HERC6: variants seen among roughly 807,000 people sequenced by gnomAD.
HERC6 encodes probable E3 ubiquitin-protein ligase HERC6.
A neutral mutation model predicts 114.5 loss-of-function variants in HERC6; 101 were observed. That is an observed-to-expected ratio of 0.88 (90% CI 0.75 to 1.04). HERC6 has a LOEUF of 1.04. Among genes scored for constraint, HERC6 ranks in the 50% least tolerant of loss-of-function variants. The pLI, the probability that HERC6 is intolerant of heterozygous loss-of-function variation, is 0.00. For synonymous variants in HERC6, 408 were observed against 436.2 expected, an observed-to-expected ratio of 0.94 and a Z score of 0.81; for missense variants, 1,133 against 1,230.9, an observed-to-expected ratio of 0.92 and a Z score of 1.19.
At chr4:88,422,297 CTATT>C (rs895594095) in intron 13 of HERC6, among the ~76,000 whole-genome samples, 5 of 151,972 alleles carry the variant, frequency 3.3e-5, no homozygotes, top group African/African-American at 1.2e-4. Flanking sequence ...AGTTTTGTTC[CTATT>C]TATTTTTCTT....
chr4:88,416,869 A>T (rs185337223), intron 12 of HERC6, among the ~76,000 whole-genome samples: 1 of 152,196 alleles, frequency 6.6e-6, no homozygotes, highest in East Asian at 1.9e-4. Context: ...TTTAACATCA[A>T]ATTTATTTGT....
At chr4:88,407,894 T>C (rs1168108380) in intron 10 of HERC6, among the ~76,000 whole-genome samples, 2 of 152,142 alleles carry the variant, frequency 1.3e-5, no homozygotes, top group Non-Finnish European at 2.9e-5. Flanking sequence ...GGAGTCTGGC[T>C]TAAGGAGGTC....
intron 11 of HERC6, among the ~76,000 whole-genome samples, chr4:88,408,939 G>A (rs1735949070): frequency 6.6e-6 from 1 of 152,178 alleles, no homozygotes; most frequent in East Asian, 1.9e-4. Flanking sequence ...CTGGCTGAGT[G>A]AGAGATGAAA....
Position 88,395,793 on chromosome 4 carries a change from G to T in HERC6, c.760-222G>T, listed in dbSNP as rs1025810. Among the ~76,000 whole-genome samples the T allele has an allele frequency of 3.4e-3, 516 of 152,104 alleles. 2 individuals carry two copies. The highest frequency in any genetic ancestry group is 6.4e-3 in the Non-Finnish European group (433 of 68,004). On this transcript the variant is annotated intron_variant, in intron 5 of 22. Coordinates refer to ENST00000264346, the MANE Select transcript of HERC6 (RefSeq NM_017912.4). ...CCTGCCACAGCCTTCCAAAGTGCTG[G>T]TATTACAGGTGTGAGCTACTGTGCC...
In HERC6 at chr4:88,378,983, C is replaced by T; in HGVS notation, c.62C>T (p.Pro21Leu). The T allele has an allele frequency of 6.3e-7, 1 of 1,582,728 alleles. No homozygotes were observed. The highest frequency in any genetic ancestry group is 8.6e-7 in the Non-Finnish European group (1 of 1,165,944). ...ELQRRRTAGS[P>L]GAELLQAASG... is the part of the protein sequence containing the mutation. ...CAGCGCCGGAGGACGGCGGGCAGCC[C>T]CGGGGCTGAGCTACTGCAGGCGGCC... Residue 21 changes from proline to leucine, a missense_variant, in exon 1 of 23, where the codon CCC (proline) becomes CTC (leucine). By Grantham distance (98) the Pro-to-Leu change is moderately conservative. Around this residue, in one of 3 missense-constraint regions of HERC6, gnomAD observed 735 missense variants for 754.0 expected, o/e 0.97. Coordinates refer to ENST00000264346, the MANE Select transcript of HERC6 (RefSeq NM_017912.4).
chr4:88,439,800 C>T, intron 20 of HERC6, 74 bp from the exon 21 acceptor site: 1 of 1,291,888 alleles, frequency 7.7e-7, no homozygotes, highest in Non-Finnish European at 1.0e-6. Context: ...GTAAAAAGAA[C>T]AAAGTATAAA....
intron 20 of HERC6, among the ~76,000 whole-genome samples, chr4:88,439,125 G>A (rs546172987): frequency 6.7e-6 from 1 of 150,148 alleles, no homozygotes; most frequent in South Asian, 2.1e-4. Flanking sequence ...TCTAATGGAT[G>A]GTAGAAGTTA....
chr4:88,425,686 C>A (rs1350504049), intron 15 of HERC6, among the ~76,000 whole-genome samples: 2 of 152,128 alleles, frequency 1.3e-5, no homozygotes, highest in Admixed American at 1.3e-4. Context: ...GTATTAGTCC[C>A]ACATAAGATT....
At chr4:88,403,106 C>T (rs1415687362) in intron 8 of HERC6, among the ~76,000 whole-genome samples, 1 of 152,160 alleles carries the variant, frequency 6.6e-6, no homozygotes. Flanking sequence ...TCTTTCCAGA[C>T]AGTGATTTTT....
intron 15 of HERC6, among the ~76,000 whole-genome samples, chr4:88,426,167 CTAT>C (rs1158748587): frequency 6.6e-6 from 1 of 151,932 alleles, no homozygotes; most frequent in Non-Finnish European, 1.5e-5. Flanking sequence ...CCTCTAGTTC[CTAT>C]TATTATTATT....
chr4:88,417,356 C>G, intron 12 of HERC6, 69 bp from the exon 13 acceptor site: 2 of 1,371,330 alleles, frequency 1.5e-6, no homozygotes, highest in Non-Finnish European at 2.0e-6. Context: ...ATTAAAGAAC[C>G]CACTAGAAAC....
At chr4:88,417,632 T>C in intron 13 of HERC6, 53 bp downstream of exon 13, 7 of 1,488,772 alleles carry the variant, frequency 4.7e-6, no homozygotes, top group Non-Finnish European at 6.4e-6. Context: ...TCAAAATCCC[T>C]TAAGTCTCAA....
intron 2 of HERC6, 47 bp from the exon 3 acceptor site, chr4:88,385,452 C>A: frequency 1.1e-6 from 1 of 901,928 alleles, no homozygotes; most frequent in Non-Finnish European, 1.7e-6. Flanking sequence ...CACCGGACAA[C>A]TCGCTCTAAA....
At chr4:88,432,437 T>C (rs1418928041) in intron 17 of HERC6, among the ~76,000 whole-genome samples, 1 of 151,208 alleles carries the variant, frequency 6.6e-6, no homozygotes, top group Non-Finnish European at 1.5e-5. Context: ...AGGTGATTCA[T>C]GGCCAGGTGC....
At chr4:88,383,732 C>T (rs1487249337) in intron 2 of HERC6, among the ~76,000 whole-genome samples, 2 of 128,502 alleles carry the variant, frequency 1.6e-5, no homozygotes, top group African/African-American at 5.8e-5. Flanking sequence ...CCACTGCACT[C>T]CAGCCTGGGC....
chr4:88,401,822 T>C (rs1387033919), intron 8 of HERC6, among the ~76,000 whole-genome samples: 1 of 152,180 alleles, frequency 6.6e-6, no homozygotes, highest in Non-Finnish European at 1.5e-5. Flanking sequence ...TTGGAATCCA[T>C]TAGACAATAT....
At chr4:88,399,834 T>C (rs1048490300) in intron 8 of HERC6, 1 of 152,068 alleles carries the variant, frequency 6.6e-6, no homozygotes, top group Non-Finnish European at 1.5e-5. Context: ...ATTGATTGTT[T>C]GAGATTGGTG....
intron 1 of HERC6, among the ~76,000 whole-genome samples, chr4:88,382,543 A>G (rs1734375131): frequency 6.6e-6 from 1 of 152,154 alleles, no homozygotes; most frequent in African/African-American, 2.4e-5. Flanking sequence ...CTAGAGAAAC[A>G]TTTGGTCATG....
At position 88,393,507 on chromosome 4, in the gene HERC6, CTCAG is replaced by C; in HGVS notation, c.687_690del (p.Gly231HisfsTer2). The stretch of plus-strand genomic sequence containing the variant: ...CAACAGTGCAAAGCAACAAGCCTCT[CTCAG>C]TCGGTGCACTGAAGAATCTAGGTGT... On this transcript the variant is annotated frameshift_variant, in exon 5 of 23. Coordinates refer to ENST00000264346, the MANE Select transcript of HERC6 (RefSeq NM_017912.4). LOFTEE classifies it high-confidence loss of function. 1 of 1,610,986 alleles carries C rather than the reference CTCAG, an allele frequency of 6.2e-7. No homozygotes were observed. The highest frequency in any genetic ancestry group is 8.5e-7 in the Non-Finnish European group (1 of 1,177,842).
Sources: allele counts gnomAD v4.1 joint callset (sites outside exome capture counted in the v4.1 genomes callset), GRCh38; gene constraint gnomAD v4.1.1; regional missense constraint gnomAD v4.1.1; transcripts MANE v1.5; gene names NCBI Gene and HGNC (gene_info 2026-07-23, HGNC 2026-07-21).